Variants in SIPA1L3 observed in about 807,000 individuals in gnomAD.
SIPA1L3 encodes signal-induced proliferation-associated 1-like protein 3.
Under a neutral mutation model 150.1 loss-of-function variants are expected in SIPA1L3, and 59 were observed. That is an observed-to-expected ratio of 0.39 (90% CI 0.32 to 0.49). The LOEUF (loss-of-function observed/expected upper bound fraction) is 0.49, where lower values mean the gene tolerates loss of function less well. Among genes scored for constraint, SIPA1L3 ranks in the 20% least tolerant of loss-of-function variants. The pLI, the probability that SIPA1L3 is intolerant of heterozygous loss-of-function variation, is 0.86. For missense variants in SIPA1L3, 2,211 were observed against 2,489.5 expected (o/e 0.89, Z 2.38); for synonymous variants, 1,070 against 1,077.6 (o/e 0.99, Z 0.14).
At chr19:38,134,320 G>A (rs970611222) in intron 10 of SIPA1L3, among the ~76,000 whole-genome samples, 1 of 146,810 alleles carries the variant, frequency 6.8e-6, no homozygotes, top group African/African-American at 2.5e-5. Context: ...GATGGCACAT[G>A]CATGTAGTCT....
At chr19:38,042,012 T>G (rs187967129) in intron 2 of SIPA1L3, among the ~76,000 whole-genome samples, 137 of 152,374 alleles carry the variant, frequency 9.0e-4, no homozygotes, top group Non-Finnish European at 1.6e-3. Context: ...CTTTTTGTTA[T>G]GTCGATTGTT....
intron 1 of SIPA1L3, among the ~76,000 whole-genome samples, chr19:37,972,168 A>T (rs1306328663): frequency 1.4e-5 from 2 of 144,946 alleles, no homozygotes; most frequent in Non-Finnish European, 3.0e-5. Flanking sequence ...AGAGATACCT[A>T]GTGTGTGTGT....
At chr19:37,968,384 T>A (rs2046924872) in intron 1 of SIPA1L3, among the ~76,000 whole-genome samples, 2 of 152,200 alleles carry the variant, frequency 1.3e-5, no homozygotes, top group Non-Finnish European at 2.9e-5. Flanking sequence ...CCTCATCTCT[T>A]AATGGGACAA....
At chr19:38,178,515 G>C (rs1025863032) in intron 15 of SIPA1L3, among the ~76,000 whole-genome samples, 1 of 151,902 alleles carries the variant, frequency 6.6e-6, no homozygotes, top group Non-Finnish European at 1.5e-5. Context: ...TCACTCTGTC[G>C]CCCAGGCTGG....
At chr19:38,150,343 G>A (rs894033957) in intron 12 of SIPA1L3, among the ~76,000 whole-genome samples, 3 of 152,002 alleles carry the variant, frequency 2.0e-5, no homozygotes, top group Non-Finnish European at 4.4e-5. Context: ...GAAGCCAGGG[G>A]ATTAGGGCAG....
At chr19:37,989,668 T>C (rs1161574407) in intron 1 of SIPA1L3, among the ~76,000 whole-genome samples, 1 of 148,548 alleles carries the variant, frequency 6.7e-6, no homozygotes, top group Non-Finnish European at 1.5e-5. Context: ...ATGAATTCTT[T>C]TTTTTTTTTT....
chr19:38,000,923 C>G (rs1001362965), intron 1 of SIPA1L3, among the ~76,000 whole-genome samples: 1 of 130,260 alleles, frequency 7.7e-6, no homozygotes, highest in African/African-American at 3.0e-5. Flanking sequence ...ATATATATAA[C>G]ATATATATAA....
At chr19:37,949,156 G>T (rs896671409) in intron 1 of SIPA1L3, among the ~76,000 whole-genome samples, 2 of 152,210 alleles carry the variant, frequency 1.3e-5, no homozygotes, top group Admixed American at 1.3e-4. Flanking sequence ...AGGCCTAGGC[G>T]ATTTTCTGTC....
At chr19:38,176,537 C>T (rs1367174588) in intron 15 of SIPA1L3, among the ~76,000 whole-genome samples, 1 of 152,088 alleles carries the variant, frequency 6.6e-6, no homozygotes, top group East Asian at 1.9e-4. Context: ...GCTGGGACTA[C>T]AGGCATATGC....
intron 2 of SIPA1L3, among the ~76,000 whole-genome samples, chr19:38,038,361 G>A (rs952100310): frequency 1.3e-5 from 2 of 152,168 alleles, no homozygotes; most frequent in East Asian, 3.9e-4. Context: ...GGGAGGCCCA[G>A]GTGAGCAGAT....
At chr19:38,059,180 T>C (rs1190770618) in intron 2 of SIPA1L3, among the ~76,000 whole-genome samples, 1 of 151,752 alleles carries the variant, frequency 6.6e-6, no homozygotes. Flanking sequence ...TTTTTTTTTT[T>C]TGGTAGAGAT....
intron 9 of SIPA1L3, among the ~76,000 whole-genome samples, chr19:38,124,754 C>T (rs1358926319): frequency 2.0e-5 from 3 of 152,222 alleles, no homozygotes; most frequent in Non-Finnish European, 4.4e-5. Flanking sequence ...AATCCCGGCA[C>T]CTCGGGAGGC....
intron 8 of SIPA1L3, among the ~76,000 whole-genome samples, chr19:38,112,891 G>A (rs1970797704): frequency 6.6e-6 from 1 of 152,082 alleles, no homozygotes; most frequent in South Asian, 2.1e-4. Flanking sequence ...CCCCAACTCA[G>A]TGAATTTCTA....
intron 12 of SIPA1L3, among the ~76,000 whole-genome samples, chr19:38,144,184 C>G (rs948277864): frequency 6.6e-6 from 1 of 152,268 alleles, no homozygotes. Flanking sequence ...TATTTCCTGA[C>G]TGTGGCCTTG....
chr19:37,942,606 A>G (rs956704445), intron 1 of SIPA1L3, among the ~76,000 whole-genome samples: 18 of 151,846 alleles, frequency 1.2e-4, no homozygotes, highest in African/African-American at 4.4e-4. Flanking sequence ...GTGTCCTCCC[A>G]TGCCCTCTGG....
At chr19:37,956,484 T>C (rs1206167947) in intron 1 of SIPA1L3, among the ~76,000 whole-genome samples, 2 of 132,220 alleles carry the variant, frequency 1.5e-5, no homozygotes, top group East Asian at 4.0e-4. Context: ...GTATAAAAGT[T>C]TTGTTTTTTT....
chr19:38,177,297 G>C (rs970513021), intron 15 of SIPA1L3, among the ~76,000 whole-genome samples: 2 of 149,702 alleles, frequency 1.3e-5, no homozygotes, highest in Non-Finnish European at 3.0e-5. Context: ...GGAAGCGGAG[G>C]TTGCAGTGAG....
At chr19:38,000,995 A>G (rs1373981088) in intron 1 of SIPA1L3, among the ~76,000 whole-genome samples, 1 of 148,830 alleles carries the variant, frequency 6.7e-6, no homozygotes, top group Admixed American at 6.8e-5. Context: ...CATATATATA[A>G]CACATCAATC....
intron 9 of SIPA1L3, among the ~76,000 whole-genome samples, chr19:38,123,965 CG>C (rs1439220806): frequency 1.6e-4 from 19 of 119,554 alleles, no homozygotes; most frequent in Non-Finnish European, 2.9e-4. Context: ...GCTGGCCGGG[CG>C]GGGGGCCAAC....
Sources: allele counts gnomAD v4.1 joint callset (sites outside exome capture counted in the v4.1 genomes callset), GRCh38; gene constraint gnomAD v4.1.1; transcripts MANE v1.5; gene names NCBI Gene and HGNC (gene_info 2026-07-23, HGNC 2026-07-21).